SSBP2: variants seen among roughly 807,000 people sequenced by gnomAD.
SSBP2 encodes the protein single stranded DNA binding protein 2, also known as single-stranded DNA-binding protein 2.
A neutral mutation model predicts 61.8 loss-of-function variants in SSBP2; 17 were observed. The ratio of observed to expected loss-of-function variants is 0.28; its 90% CI spans 0.19 to 0.41. The LOEUF (loss-of-function observed/expected upper bound fraction) is 0.41. Among genes scored for constraint, SSBP2 ranks in the 10% least tolerant of loss-of-function variants. SSBP2 has a pLI of 1.00. For synonymous variants in SSBP2, 139 were observed against 141.3 expected, an observed-to-expected ratio of 0.98 and a Z score of 0.12; for missense variants, 310 against 458.7, an observed-to-expected ratio of 0.68 and a Z score of 2.96.
chr5:81,696,714 C>A (rs755396256), intron 1 of SSBP2, among the ~76,000 whole-genome samples: 42 of 152,158 alleles, frequency 2.8e-4, no homozygotes, highest in Middle Eastern at 3.2e-3. Context: ...TACATACCAC[C>A]TTTTGAAAGG....
intron 4 of SSBP2, among the ~76,000 whole-genome samples, chr5:81,590,194 G>T (rs1025015052): frequency 4.0e-5 from 6 of 151,862 alleles, no homozygotes; most frequent in Admixed American, 3.9e-4. Context: ...TCTAGTCATA[G>T]ATTTAAAAAA....
chr5:81,546,658 A>G (rs1771750008), intron 4 of SSBP2, among the ~76,000 whole-genome samples: 1 of 152,174 alleles, frequency 6.6e-6, no homozygotes, highest in Non-Finnish European at 1.5e-5. Context: ...TGCTTAAAAT[A>G]CTAATTTTCT....
intron 6 of SSBP2, among the ~76,000 whole-genome samples, chr5:81,488,697 TC>T (rs1244349123): frequency 1.0e-5 from 1 of 95,930 alleles, no homozygotes; most frequent in East Asian, 3.7e-4. Flanking sequence ...ATGCTATCCC[TC>T]CCCCCTCCCC....
chr5:81,613,805 A>T (rs1745700674), intron 4 of SSBP2, among the ~76,000 whole-genome samples: 1 of 152,192 alleles, frequency 6.6e-6, no homozygotes, highest in Non-Finnish European at 1.5e-5. Context: ...CCAATTCCTC[A>T]TATTCTTCAT....
At chr5:81,567,122 A>G (rs1041731953) in intron 4 of SSBP2, among the ~76,000 whole-genome samples, 20 of 152,226 alleles carry the variant, frequency 1.3e-4, no homozygotes, top group Non-Finnish European at 4.4e-5. Flanking sequence ...AGTAACAAGG[A>G]GCCAAATGTT....
chr5:81,542,392 C>A (rs192394534), intron 4 of SSBP2, among the ~76,000 whole-genome samples: 3 of 152,242 alleles, frequency 2.0e-5, no homozygotes, highest in Non-Finnish European at 4.4e-5. Flanking sequence ...TTCAACCCAG[C>A]AATCCCATTA....
At chr5:81,748,382 T>C (rs1372861744) in intron 1 of SSBP2, among the ~76,000 whole-genome samples, 1 of 152,200 alleles carries the variant, frequency 6.6e-6, no homozygotes, top group Non-Finnish European at 1.5e-5. Context: ...TCCATTTTAA[T>C]GATGACTTCA....
At chr5:81,422,391 A>G (rs1198605741) in intron 16 of SSBP2, among the ~76,000 whole-genome samples, 1 of 152,204 alleles carries the variant, frequency 6.6e-6, no homozygotes, top group Non-Finnish European at 1.5e-5. Flanking sequence ...TGTCTGGGCC[A>G]GATGTCATTA....
chr5:81,603,899 A>G (rs1435318432), intron 4 of SSBP2, among the ~76,000 whole-genome samples: 1 of 152,190 alleles, frequency 6.6e-6, no homozygotes, highest in African/African-American at 2.4e-5. Context: ...TGAATAGTTT[A>G]GTGTTTCTAA....
At chr5:81,739,439 T>C (rs1756856004) in intron 1 of SSBP2, among the ~76,000 whole-genome samples, 1 of 152,180 alleles carries the variant, frequency 6.6e-6, no homozygotes, top group East Asian at 1.9e-4. Flanking sequence ...CCTGACACTC[T>C]CACAGCCCTA....
intron 1 of SSBP2, among the ~76,000 whole-genome samples, chr5:81,694,534 T>A (rs2153837642): frequency 6.6e-6 from 1 of 152,260 alleles, no homozygotes; most frequent in Admixed American, 6.5e-5. Context: ...TAATCTGGCT[T>A]TAGAAGTTTT....
intron 5 of SSBP2, among the ~76,000 whole-genome samples, chr5:81,509,506 G>A (rs1432951126): frequency 6.6e-6 from 1 of 152,160 alleles, no homozygotes; most frequent in Non-Finnish European, 1.5e-5. Context: ...TTCAGTAACT[G>A]CAGGAAACCA....
At chr5:81,751,174 C>T, upstream of SSBP2, 13 of 961,714 alleles carry the variant, frequency 1.4e-5, no homozygotes, top group Admixed American at 2.2e-5. Context: ...AAGCTCCGCC[C>T]CCTTCGCCCA....
intron 10 of SSBP2, among the ~76,000 whole-genome samples, chr5:81,450,692 C>A (rs1763712783): frequency 6.6e-6 from 1 of 152,160 alleles, no homozygotes; most frequent in Non-Finnish European, 1.5e-5. Flanking sequence ...ATCACAATTC[C>A]ACCATGTTTA....
intron 4 of SSBP2, among the ~76,000 whole-genome samples, chr5:81,522,035 T>C (rs958517009): frequency 3.9e-5 from 6 of 152,082 alleles, no homozygotes; most frequent in African/African-American, 1.2e-4. Flanking sequence ...ACCCTTCTTT[T>C]CCGAAACTAT....
At chr5:81,445,707 T>C (rs1445053133) in intron 12 of SSBP2, among the ~76,000 whole-genome samples, 1 of 152,182 alleles carries the variant, frequency 6.6e-6, no homozygotes, top group African/African-American at 2.4e-5. Flanking sequence ...TCAATGATAC[T>C]GAATTTCAAG....
At chr5:81,733,628 G>A (rs560803647) in intron 1 of SSBP2, among the ~76,000 whole-genome samples, 1 of 152,160 alleles carries the variant, frequency 6.6e-6, no homozygotes, top group African/African-American at 2.4e-5. Context: ...TTGACAAATC[G>A]TATCTGTTAC....
At chr5:81,497,488 C>T (rs1047937933) in intron 5 of SSBP2, among the ~76,000 whole-genome samples, 1 of 152,094 alleles carries the variant, frequency 6.6e-6, no homozygotes, top group African/African-American at 2.4e-5. Context: ...CTCACCTGGA[C>T]AATTTATTTG....
chr5:81,571,390 C>G (rs1228841569), intron 4 of SSBP2, among the ~76,000 whole-genome samples: 1 of 152,090 alleles, frequency 6.6e-6, no homozygotes, highest in African/African-American at 2.4e-5. Context: ...CTAATAGCAT[C>G]TAAGCTAGTC....
Sources: gnomAD v4.1 joint callset for allele counts (sites outside exome capture counted in the v4.1 genomes callset) on GRCh38, gnomAD v4.1.1 for gene constraint, MANE v1.5 for transcripts, NCBI Gene and HGNC (gene_info 2026-07-23, HGNC 2026-07-21) for gene names.